PCNX2: variants seen among roughly 807,000 people sequenced by gnomAD.
PCNX2 encodes pecanex 2.
Under a neutral mutation model 223.8 loss-of-function variants are expected in PCNX2, and 168 were observed. The ratio of observed to expected loss-of-function variants is 0.75; its 90% CI spans 0.66 to 0.85. The LOEUF is 0.85. PCNX2 is among the 40% of genes least tolerant of loss of function. PCNX2 has a pLI of 0.00. For synonymous variants in PCNX2, 1,006 were observed against 1,052.6 expected, an observed-to-expected ratio of 0.96 and a Z score of 0.86; for missense variants, 2,507 against 2,675.5, an observed-to-expected ratio of 0.94 and a Z score of 1.39.
intron 8 of PCNX2, among the ~76,000 whole-genome samples, chr1:233,248,744 G>A (rs758503870): frequency 2.0e-5 from 3 of 152,078 alleles, no homozygotes; most frequent in Non-Finnish European, 4.4e-5. Flanking sequence ...GAAAAGGCAC[G>A]TAAGAAAGGG....
chr1:233,060,262 T>C (rs1672356301), intron 23 of PCNX2, among the ~76,000 whole-genome samples: 1 of 152,208 alleles, frequency 6.6e-6, no homozygotes, highest in South Asian at 2.1e-4. Flanking sequence ...GCATAGTTAG[T>C]CCCTAAATGG....
At chr1:233,091,984 C>T (rs1673896964) in intron 22 of PCNX2, among the ~76,000 whole-genome samples, 1 of 152,028 alleles carries the variant, frequency 6.6e-6, no homozygotes, top group Non-Finnish European at 1.5e-5. Context: ...TCTATTATCA[C>T]CCATCAGTTT....
rs569016966 is a variant in PCNX2 at position 233,071,607 on chromosome 1, T to A, written c.4077-14317A>T. ...ACTGTGAATAGTGCTGCAATGAACA[T>A]ACACATGCATGTGTCTTTAGGACAG... On this transcript the variant is annotated intron_variant, in intron 23 of 33. Coordinates refer to ENST00000258229, the MANE Select transcript of PCNX2 (RefSeq NM_014801.4). Among the ~76,000 whole-genome samples, 3 of 152,330 alleles carry A rather than the reference T, an allele frequency of 2.0e-5. No individual in the cohort carries two copies. The East Asian group carries it at 5.8e-4, about 29-fold the overall frequency.
At chr1:233,325,152 CTCTG>C in the PCNX2 span, among the ~76,000 whole-genome samples, 2 of 152,084 alleles carry the variant, frequency 1.3e-5, no homozygotes, top group Non-Finnish European at 2.9e-5. Flanking sequence ...ATAGCAATTG[CTCTG>C]CTATGAGATA....
intron 25 of PCNX2, among the ~76,000 whole-genome samples, chr1:233,025,861 G>T (rs999125122): frequency 2.0e-5 from 3 of 152,310 alleles, no homozygotes; most frequent in Admixed American, 2.0e-4. Context: ...CGCAAAAATG[G>T]TAGTTGTTCC....
chr1:233,274,691 T>C (rs1474714509), intron 1 of PCNX2, among the ~76,000 whole-genome samples: 1 of 152,084 alleles, frequency 6.6e-6, no homozygotes, highest in Non-Finnish European at 1.5e-5. Context: ...CTATAAAGCA[T>C]GCTGAGAAAA....
chr1:233,282,094 T>C (rs1194176726), intron 1 of PCNX2, among the ~76,000 whole-genome samples: 1 of 152,074 alleles, frequency 6.6e-6, no homozygotes, highest in Non-Finnish European at 1.5e-5. Context: ...CCACTGAAAG[T>C]TTCTTGTCAA....
At chr1:233,272,163 GT>G (rs1241244388) in intron 1 of PCNX2, among the ~76,000 whole-genome samples, 2 of 152,016 alleles carry the variant, frequency 1.3e-5, no homozygotes, top group African/African-American at 4.8e-5. Context: ...AACTAAAAAA[GT>G]TTTTGAACAG....
chr1:233,306,340 T>C, the PCNX2 span, among the ~76,000 whole-genome samples: 1 of 152,184 alleles, frequency 6.6e-6, no homozygotes, highest in Non-Finnish European at 1.5e-5. Context: ...TGACTTTCAA[T>C]AATGGATCAA....
In PCNX2 at chr1:233,054,300, A is replaced by G. The variant is rs1229576924; in HGVS notation, c.4319T>C (p.Val1440Ala). The change falls in exon 25 of 34, where the codon GTC becomes GCC. Residue 1440 changes from valine to alanine, a missense_variant. This residue lies in a region of PCNX2 where 1,372 missense variants were observed against 1,509.4 expected (regional missense o/e 0.91). Transcript: ENST00000258229. ...VHLIEIGNGLVTFQLRGLEFR... is the reference protein window; with the variant it reads ...VHLIEIGNGLATFQLRGLEFR... ...TTCCAGTCCTCGAAGTTGAAAGGTG[A>G]CAAGACCATTTCCAATTTCAATCAG... 1.2e-6 allele frequency: 2 copies of G among 1,613,754 alleles called. No homozygotes were observed. The highest frequency in any genetic ancestry group is 1.7e-6 in the Non-Finnish European group (2 of 1,179,844).
chr1:233,034,139 G>A (rs1183481890), intron 25 of PCNX2, among the ~76,000 whole-genome samples: 1 of 152,192 alleles, frequency 6.6e-6, no homozygotes, highest in African/African-American at 2.4e-5. Context: ...TTGAACCCGG[G>A]AGGCGGAGGT....
At chr1:233,180,736 C>T (rs577673524) in intron 15 of PCNX2, 9 of 152,192 alleles carry the variant, frequency 5.9e-5, no homozygotes, top group African/African-American at 2.2e-4. Flanking sequence ...TCTAAACGCC[C>T]GAGAGCAGTA....
At chr1:233,317,981 T>C in the PCNX2 span, among the ~76,000 whole-genome samples, 3 of 152,232 alleles carry the variant, frequency 2.0e-5, no homozygotes, top group African/African-American at 7.2e-5. Context: ...CAGCAACTGA[T>C]GGTGGGTTAC....
the PCNX2 span, among the ~76,000 whole-genome samples, chr1:233,323,168 G>A: frequency 1.1e-4 from 17 of 152,276 alleles, no homozygotes; most frequent in South Asian, 3.5e-3. Flanking sequence ...ATGACATAAG[G>A]CTGTTTGTGG....
At chr1:233,243,498 A>C (rs376240483) in intron 8 of PCNX2, among the ~76,000 whole-genome samples, 1 of 152,374 alleles carries the variant, frequency 6.6e-6, no homozygotes, top group South Asian at 2.1e-4. Flanking sequence ...ACATAATATT[A>C]AAGGACCTAC....
At chr1:233,293,608 A>T (rs750978108) in intron 1 of PCNX2, among the ~76,000 whole-genome samples, 31 of 152,364 alleles carry the variant, frequency 2.0e-4, no homozygotes, top group Non-Finnish European at 4.0e-4. Context: ...AAGAGAAATT[A>T]ATTCTAGCTA....
intron 25 of PCNX2, among the ~76,000 whole-genome samples, chr1:233,050,752 G>A (rs1671975214): frequency 6.6e-6 from 1 of 152,002 alleles, no homozygotes; most frequent in African/African-American, 2.4e-5. Flanking sequence ...CATTATTCTG[G>A]ACATGGGCCT....
rs201611765 is a variant in PCNX2 at position 233,247,746 on chromosome 1, C to G, written c.2222+2993G>C. The stretch of plus-strand genomic sequence containing the variant: ...TACAAAAATTAGCCAGGCGTGGGGG[C>G]GGGCACCTGTAATCCCAGCTACTGG... On this transcript the variant is annotated intron_variant, in intron 8 of 33. Coordinates refer to ENST00000258229, the MANE Select transcript of PCNX2 (RefSeq NM_014801.4). Among the ~76,000 whole-genome samples, 21 of 152,060 alleles carry G rather than the reference C, an allele frequency of 1.4e-4. No individual in the cohort carries two copies. The East Asian group carries it at 3.3e-3, about 24-fold the overall frequency.
At chr1:233,233,423 CCTGTGTGTGTGTGT>C (rs1373794444) in intron 9 of PCNX2, among the ~76,000 whole-genome samples, 5 of 115,490 alleles carry the variant, frequency 4.3e-5, no homozygotes, top group African/African-American at 1.4e-4. Flanking sequence ...CTCCTCTTCT[CCTGTGTGTGTGTGT>C]GTGTGTGTGT....
Sources: gnomAD v4.1 joint callset for allele counts (sites outside exome capture counted in the v4.1 genomes callset) on GRCh38, gnomAD v4.1.1 for gene constraint, gnomAD v4.1.1 regional missense constraint, MANE v1.5 for transcripts, NCBI Gene and HGNC (gene_info 2026-07-23, HGNC 2026-07-21) for gene names.